Variants in ARHGAP42 observed in about 807,000 individuals in gnomAD.
The protein encoded by ARHGAP42 is Rho GTPase activating protein 42.
ARHGAP42 carries 63 observed loss-of-function variants against 125.0 expected under a neutral mutation model. The observed-to-expected ratio is 0.50, with a 90% confidence interval of 0.41 to 0.62. The LOEUF (loss-of-function observed/expected upper bound fraction) is 0.62. Among genes scored for constraint, ARHGAP42 ranks in the 20% least tolerant of loss-of-function variants. The pLI, the probability that ARHGAP42 is intolerant of heterozygous loss-of-function variation, is 0.00. For synonymous variants in ARHGAP42, 339 were observed against 351.0 expected (o/e 0.97, Z 0.38); for missense variants, 766 against 1,024.2 (o/e 0.75, Z 3.44).
intron 6 of ARHGAP42, among the ~76,000 whole-genome samples, chr11:100,929,222 G>A (rs768192264): frequency 2.0e-5 from 3 of 151,940 alleles, no homozygotes; most frequent in East Asian, 1.9e-4. Context: ...TAGATCCCTC[G>A]CAGGCACAGT....
intron 4 of ARHGAP42, among the ~76,000 whole-genome samples, chr11:100,903,510 A>G (rs888099594): frequency 6.6e-6 from 1 of 151,282 alleles, no homozygotes; most frequent in Non-Finnish European, 1.5e-5. Context: ...CCTGTCTGGT[A>G]TGCAGAATTA....
At chr11:100,749,894 T>C (rs1862405060) in intron 1 of ARHGAP42, among the ~76,000 whole-genome samples, 1 of 152,178 alleles carries the variant, frequency 6.6e-6, no homozygotes, top group Non-Finnish European at 1.5e-5. Flanking sequence ...CCTTATTTGG[T>C]CTGTGCACAG....
At chr11:100,779,842 A>G (rs1027266827) in intron 2 of ARHGAP42, among the ~76,000 whole-genome samples, 18 of 151,714 alleles carry the variant, frequency 1.2e-4, no homozygotes, top group Non-Finnish European at 2.4e-4. Context: ...CCTGGCCAAC[A>G]TGGTGAAACC....
Position 100,687,997 on chromosome 11 carries a change from G to GGT in ARHGAP42, c.154+168_154+169dup, listed in dbSNP as rs200596539. On this transcript the variant is annotated intron_variant, in intron 1 of 23. Transcript: ENST00000298815. ...GGTGGCCAACAAAGTTTGTTCTTGAGGTGTTCTTTACTTACTCACATGTCT... is the reference window on the plus strand; with the variant it reads ...GGTGGCCAACAAAGTTTGTTCTTGAGGTGTGTTCTTTACTTACTCACATGTCT... 979 of 731,428 alleles carry GGT rather than the reference G, an allele frequency of 1.3e-3. 26 individuals carry two copies. The East Asian group carries it at 0.028, about 21-fold the overall frequency. 45.3% of individuals were successfully genotyped at this position (731,428 alleles called of 1,614,324 possible). A position where few individuals can be genotyped will look rare whatever the true frequency, so the allele number is the denominator to read the frequency against.
At chr11:100,810,916 C>T (rs908964770) in intron 3 of ARHGAP42, among the ~76,000 whole-genome samples, 1 of 151,884 alleles carries the variant, frequency 6.6e-6, no homozygotes, top group African/African-American at 2.4e-5. Flanking sequence ...AAATGAAAAC[C>T]ACCAGCAATA....
At chr11:100,742,455 G>A (rs1862209941) in intron 1 of ARHGAP42, among the ~76,000 whole-genome samples, 1 of 152,080 alleles carries the variant, frequency 6.6e-6, no homozygotes, top group African/African-American at 2.4e-5. Flanking sequence ...TCTGGGTGGT[G>A]GTGGTCATAT....
intron 1 of ARHGAP42, among the ~76,000 whole-genome samples, chr11:100,767,717 T>G (rs999683390): frequency 2.4e-4 from 36 of 152,094 alleles, no homozygotes; most frequent in Admixed American, 1.4e-3. Context: ...GATCTGCCCT[T>G]GTATCCCCAG....
At chr11:100,881,688 A>G (rs555798946) in intron 4 of ARHGAP42, among the ~76,000 whole-genome samples, 72 of 152,282 alleles carry the variant, frequency 4.7e-4, no homozygotes, top group Non-Finnish European at 4.4e-5. Flanking sequence ...CTTTCACAAT[A>G]TTGATTCTAC....
intron 4 of ARHGAP42, among the ~76,000 whole-genome samples, chr11:100,904,322 C>A (rs1350083738): frequency 2.0e-5 from 3 of 151,448 alleles, no homozygotes; most frequent in Admixed American, 6.6e-5. Flanking sequence ...CTGCTCACTG[C>A]AACCTCCTCT....
chr11:100,967,073 G>A (rs612046), intron 17 of ARHGAP42, among the ~76,000 whole-genome samples: 27,748 of 152,074 alleles, frequency 0.18, 3,435 homozygotes, highest in East Asian at 0.43. Context: ...CCTGCTCACC[G>A]AATGTGCATT....
intron 1 of ARHGAP42, among the ~76,000 whole-genome samples, chr11:100,761,641 G>A (rs1862701558): frequency 1.3e-5 from 2 of 152,072 alleles, no homozygotes; most frequent in African/African-American, 2.4e-5. Flanking sequence ...TATCATTTAT[G>A]GGATTACAAA....
intron 4 of ARHGAP42, among the ~76,000 whole-genome samples, chr11:100,896,242 T>C (rs978900442): frequency 1.2e-4 from 18 of 151,280 alleles, no homozygotes; most frequent in Non-Finnish European, 2.4e-4. Flanking sequence ...CAGTCTATCA[T>C]TGATGGACAT....
At chr11:100,834,842 C>CT (rs796992628) in intron 3 of ARHGAP42, among the ~76,000 whole-genome samples, 3,756 of 130,770 alleles carry the variant, frequency 0.029, 60 homozygotes, top group Non-Finnish European at 0.04. Flanking sequence ...CTTCTGAGTC[C>CT]TTTTTTTTTT....
At chr11:100,752,533 A>G (rs1484509920) in intron 1 of ARHGAP42, among the ~76,000 whole-genome samples, 3 of 152,144 alleles carry the variant, frequency 2.0e-5, no homozygotes, top group African/African-American at 7.2e-5. Context: ...GAGCCAGACT[A>G]CTGTGACTAC....
At chr11:100,722,057 C>T (rs761077403) in intron 1 of ARHGAP42, among the ~76,000 whole-genome samples, 4 of 152,148 alleles carry the variant, frequency 2.6e-5, no homozygotes, top group Non-Finnish European at 5.9e-5. Context: ...TTTGCATTTC[C>T]ATAAGCAATG....
At chr11:100,875,765 GGGT>G (rs1282823226) in intron 4 of ARHGAP42, among the ~76,000 whole-genome samples, 1 of 152,086 alleles carries the variant, frequency 6.6e-6, no homozygotes, top group African/African-American at 2.4e-5. Context: ...GGGTGGCGGG[GGGT>G]GACTGGACAG....
At chr11:100,873,994 T>C (rs1865755532) in intron 4 of ARHGAP42, among the ~76,000 whole-genome samples, 1 of 152,208 alleles carries the variant, frequency 6.6e-6, no homozygotes, top group South Asian at 2.1e-4. Context: ...TTATTTACAT[T>C]AGAATGTTCA....
At chr11:100,902,954 G>A (rs1053310445) in intron 4 of ARHGAP42, among the ~76,000 whole-genome samples, 5 of 152,058 alleles carry the variant, frequency 3.3e-5, no homozygotes, top group African/African-American at 1.2e-4. Flanking sequence ...GAACGGCCCC[G>A]AGGTGTGTTG....
chr11:100,775,557 T>C (rs898922227), intron 2 of ARHGAP42, among the ~76,000 whole-genome samples: 2 of 152,316 alleles, frequency 1.3e-5, no homozygotes, highest in Admixed American at 6.5e-5. Context: ...AAAAGGTTAT[T>C]TGTGCAGAAA....
Sources: allele counts gnomAD v4.1 joint callset (sites outside exome capture counted in the v4.1 genomes callset), GRCh38; gene constraint gnomAD v4.1.1; transcripts MANE v1.5; gene names NCBI Gene and HGNC (gene_info 2026-07-23, HGNC 2026-07-21).